WDR7: variants seen among roughly 807,000 people sequenced by gnomAD.
The protein encoded by WDR7 is WD repeat-containing protein 7.
A neutral mutation model predicts 169.4 loss-of-function variants in WDR7; 46 were observed. The ratio of observed to expected loss-of-function variants is 0.27; its 90% CI spans 0.21 to 0.35. The LOEUF is 0.35. WDR7 is among the 10% of genes least tolerant of loss of function. The pLI, the probability that WDR7 is intolerant of heterozygous loss-of-function variation, is 1.00. For synonymous variants in WDR7, 612 were observed against 666.8 expected, an observed-to-expected ratio of 0.92 and a Z score of 1.27; for missense variants, 1,534 against 1,859.3, an observed-to-expected ratio of 0.83 and a Z score of 3.22.
chr18:56,660,476 T>C (rs1035327512), intron 1 of WDR7, among the ~76,000 whole-genome samples: 3 of 151,488 alleles, frequency 2.0e-5, no homozygotes, highest in East Asian at 1.9e-4. Context: ...AATACAAATA[T>C]CCCCAAATTT....
At chr18:56,861,278 A>G (rs543237508) in intron 20 of WDR7, among the ~76,000 whole-genome samples, 24 of 152,262 alleles carry the variant, frequency 1.6e-4, no homozygotes, top group Non-Finnish European at 2.4e-4. Flanking sequence ...ACAACCTTCA[A>G]CTTGATTCGT....
chr18:56,677,978 G>A (rs763402883), intron 2 of WDR7, among the ~76,000 whole-genome samples: 12 of 151,924 alleles, frequency 7.9e-5, no homozygotes, highest in Non-Finnish European at 1.6e-4. Flanking sequence ...TCCTTTGACT[G>A]TATATTTTCA....
intron 26 of WDR7, among the ~76,000 whole-genome samples, chr18:56,977,172 G>A (rs907129299): frequency 1.3e-5 from 2 of 152,172 alleles, no homozygotes; most frequent in Non-Finnish European, 2.9e-5. Flanking sequence ...TCAATAAATC[G>A]TGGTGGTGGG....
At chr18:57,005,478 G>C (rs543327542) in intron 26 of WDR7, among the ~76,000 whole-genome samples, 1 of 152,182 alleles carries the variant, frequency 6.6e-6, no homozygotes. Flanking sequence ...TTTATACCAG[G>C]AAAATCTGAT....
At chr18:56,757,404 G>T in intron 15 of WDR7, 52 bp downstream of exon 15, 1 of 1,471,854 alleles carries the variant, frequency 6.8e-7, no homozygotes, top group Non-Finnish European at 9.0e-7. Context: ...AAAGAAACCT[G>T]TTTTATTTTT....
At chr18:56,799,890 A>G (rs1021921681) in intron 19 of WDR7, among the ~76,000 whole-genome samples, 34 of 152,110 alleles carry the variant, frequency 2.2e-4, no homozygotes, top group Non-Finnish European at 5.9e-5. Context: ...ACTTTTATTA[A>G]TCTTTTCAAG....
At chr18:56,802,208 A>C (rs1305085711) in intron 19 of WDR7, among the ~76,000 whole-genome samples, 1 of 152,204 alleles carries the variant, frequency 6.6e-6, no homozygotes, top group Non-Finnish European at 1.5e-5. Flanking sequence ...TTAATGACTA[A>C]TAATGTTGAA....
chr18:56,655,054 C>A (rs1375453569), intron 1 of WDR7, among the ~76,000 whole-genome samples: 3 of 152,022 alleles, frequency 2.0e-5, no homozygotes, highest in Non-Finnish European at 4.4e-5. Context: ...TATGTTTTTT[C>A]CTCCTATATA....
intron 26 of WDR7, among the ~76,000 whole-genome samples, chr18:56,964,474 C>T (rs537099786): frequency 1.1e-3 from 163 of 152,148 alleles, no homozygotes; most frequent in African/African-American, 3.4e-3. Flanking sequence ...AGGGTTCAAG[C>T]AATTCTCAGT....
At chr18:56,781,906 C>T (rs903570966) in intron 19 of WDR7, 29 of 278,474 alleles carry the variant, frequency 1.0e-4, no homozygotes, top group Middle Eastern at 2.0e-3. Flanking sequence ...TAAATGAATT[C>T]CCCATCAAAC....
chr18:56,767,326 C>G (rs2044083564), intron 16 of WDR7, among the ~76,000 whole-genome samples: 1 of 152,158 alleles, frequency 6.6e-6, no homozygotes, highest in Admixed American at 6.6e-5. Context: ...CTTTGCAGCT[C>G]CCTTCTTTCT....
intron 14 of WDR7, among the ~76,000 whole-genome samples, chr18:56,751,129 C>A (rs1239217397): frequency 2.0e-5 from 3 of 151,944 alleles, no homozygotes; most frequent in African/African-American, 7.3e-5. Context: ...ACAATCAGTG[C>A]ACTAAGAAGC....
chr18:56,749,863 C>A (rs2043761691), intron 14 of WDR7, among the ~76,000 whole-genome samples: 1 of 151,630 alleles, frequency 6.6e-6, no homozygotes, highest in Non-Finnish European at 1.5e-5. Flanking sequence ...GGTATTTCAT[C>A]AGACATGATT....
Position 56,696,564 on chromosome 18 carries a change from C to G in WDR7, c.1578+102C>G, listed in dbSNP as rs528392759. 4.9e-6 allele frequency: 5 copies of G among 1,018,134 alleles called. No homozygotes were observed. The South Asian group carries it at 5.4e-5, about 11-fold the overall frequency. The allele number at this position is 1,018,134 out of a possible 1,614,324, so 63.1% of individuals were successfully genotyped here. A position where few individuals can be genotyped will look rare whatever the true frequency, so the allele number is the denominator to read the frequency against. ...CTAGACTAACTTAAAGGAAGTGTGA[C>G]AAGATAATTAAGAAAACCCTTTCAA... On this transcript the variant is annotated intron_variant, in intron 12 of 27. Transcript: ENST00000254442.
intron 1 of WDR7, among the ~76,000 whole-genome samples, chr18:56,659,293 A>C (rs999458135): frequency 1.3e-5 from 2 of 152,240 alleles, no homozygotes; most frequent in African/African-American, 4.8e-5. Flanking sequence ...AATCCAAAAC[A>C]TATAAAATCG....
At chr18:56,860,945 G>A (rs1161655918) in intron 20 of WDR7, among the ~76,000 whole-genome samples, 4 of 151,730 alleles carry the variant, frequency 2.6e-5, no homozygotes, top group East Asian at 1.9e-4. Context: ...ATAGTAAAAA[G>A]TGTATCTTTT....
intron 13 of WDR7, among the ~76,000 whole-genome samples, chr18:56,728,634 C>G (rs955299604): frequency 6.6e-6 from 1 of 152,160 alleles, no homozygotes; most frequent in East Asian, 1.9e-4. Flanking sequence ...GGCCCCATCC[C>G]ATCCCCACTC....
At chr18:56,656,738 T>G (rs2024785045) in intron 1 of WDR7, among the ~76,000 whole-genome samples, 1 of 152,192 alleles carries the variant, frequency 6.6e-6, no homozygotes, top group Non-Finnish European at 1.5e-5. Flanking sequence ...TTATGTATTT[T>G]TATTCTTTCC....
At chr18:56,655,618 CAAAAA>C (rs56899358) in intron 1 of WDR7, among the ~76,000 whole-genome samples, 2 of 133,972 alleles carry the variant, frequency 1.5e-5, no homozygotes. Flanking sequence ...GACCCTGTCT[CAAAAA>C]AAAAAAAAAA....
Sources: allele counts gnomAD v4.1 joint callset (sites outside exome capture counted in the v4.1 genomes callset), GRCh38; gene constraint gnomAD v4.1.1; transcripts MANE v1.5; gene names NCBI Gene and HGNC (gene_info 2026-07-23, HGNC 2026-07-21).